The following FMN2 variants were observed in gnomAD, a reference collection of about 807,000 sequenced individuals.
The protein encoded by FMN2 is formin 2.
FMN2 carries 51 observed loss-of-function variants against 142.3 expected under a neutral mutation model. The observed-to-expected ratio is 0.36, with a 90% confidence interval of 0.29 to 0.45. The LOEUF (loss-of-function observed/expected upper bound fraction) is 0.45, where lower values mean the gene tolerates loss of function less well. FMN2 is among the 20% of genes least tolerant of loss of function. The probability of loss-of-function intolerance (pLI) is 1.00; values close to 1 mark genes in which losing one functional copy is unlikely to be tolerated. For synonymous variants in FMN2, 882 were observed against 869.8 expected, an observed-to-expected ratio of 1.01 and a Z score of -0.25; for missense variants, 1,936 against 2,122.8, an observed-to-expected ratio of 0.91 and a Z score of 1.73.
intron 14 of FMN2, among the ~76,000 whole-genome samples, chr1:240,370,191 CAG>C (rs1303964125): frequency 1.3e-5 from 2 of 152,082 alleles, no homozygotes; most frequent in African/African-American, 4.8e-5. Flanking sequence ...TTTATGGCCT[CAG>C]AGAATTTTCC....
intron 3 of FMN2, among the ~76,000 whole-genome samples, chr1:240,184,369 T>C (rs1036493156): frequency 1.2e-4 from 18 of 149,588 alleles, no homozygotes; most frequent in Non-Finnish European, 2.5e-4. Flanking sequence ...CCCGAGTAGC[T>C]GGGACTGCAG....
chr1:240,220,780 A>G (rs1308224092), intron 6 of FMN2, among the ~76,000 whole-genome samples: 2 of 151,980 alleles, frequency 1.3e-5, no homozygotes, highest in African/African-American at 2.4e-5. Context: ...GGTTTGTTAC[A>G]TAGGTATACA....
intron 13 of FMN2, among the ~76,000 whole-genome samples, chr1:240,346,900 A>G (rs1486886906): frequency 6.6e-6 from 1 of 152,204 alleles, no homozygotes; most frequent in African/African-American, 2.4e-5. Context: ...GACTTTATAT[A>G]TTTGCGCATG....
Position 240,399,521 on chromosome 1 carries a change from A to G in FMN2, c.4910+6959A>G, listed in dbSNP as rs541505831. On this transcript the variant is annotated intron_variant, in intron 15 of 17. Coordinates refer to ENST00000319653, the MANE Select transcript of FMN2 (RefSeq NM_020066.5). The stretch of plus-strand genomic sequence containing the variant: ...TATGGGAGCCGCTGCAGGAGCTCTA[A>G]TCCAGACACTTATGGTAATGAAGAT... 1.2e-4 allele frequency among the ~76,000 whole-genome samples: 18 copies of G among 152,262 alleles called. No individual in the cohort carries two copies. In the East Asian group the frequency reaches 3.5e-3, roughly 29 times the overall value.
intron 3 of FMN2, among the ~76,000 whole-genome samples, chr1:240,180,562 AC>A (rs202058196): frequency 1.0e-5 from 1 of 98,666 alleles, no homozygotes; most frequent in South Asian, 3.7e-4. Flanking sequence ...ATAACACATG[AC>A]CCCTTTTTTT....
chr1:240,204,653 A>C (rs2103379657), intron 4 of FMN2, among the ~76,000 whole-genome samples: 1 of 152,328 alleles, frequency 6.6e-6, no homozygotes, highest in Admixed American at 6.5e-5. Flanking sequence ...CAGGAGGCTG[A>C]GGCAGTAGAA....
intron 3 of FMN2, among the ~76,000 whole-genome samples, chr1:240,185,620 A>G (rs909978040): frequency 4.6e-5 from 7 of 152,238 alleles, no homozygotes; most frequent in Admixed American, 2.6e-4. Flanking sequence ...GTTCTTTACC[A>G]TCAGAGCCCA....
At chr1:240,282,035 G>C (rs979810977) in intron 7 of FMN2, among the ~76,000 whole-genome samples, 6 of 152,076 alleles carry the variant, frequency 3.9e-5, no homozygotes, top group African/African-American at 1.4e-4. Context: ...ATCTACAAAG[G>C]TATATGTGCT....
At chr1:240,419,407 C>T (rs1280835852) in intron 15 of FMN2, among the ~76,000 whole-genome samples, 1 of 151,340 alleles carries the variant, frequency 6.6e-6, no homozygotes, top group Non-Finnish European at 1.5e-5. Context: ...TTTCTGTGTC[C>T]TTATGGGCAA....
intron 15 of FMN2, among the ~76,000 whole-genome samples, chr1:240,429,811 T>C (rs759712339): frequency 5.9e-5 from 9 of 152,190 alleles, no homozygotes; most frequent in Non-Finnish European, 1.0e-4. Context: ...CCCCTGTTCA[T>C]GGACATTTGG....
intron 6 of FMN2, among the ~76,000 whole-genome samples, chr1:240,239,705 A>G (rs1441665006): frequency 6.6e-6 from 1 of 152,254 alleles, no homozygotes; most frequent in Admixed American, 6.5e-5. Context: ...TAAAAGGGCC[A>G]GAAAGAAACA....
At chr1:240,137,776 G>A (rs1663005990) in intron 2 of FMN2, among the ~76,000 whole-genome samples, 1 of 152,046 alleles carries the variant, frequency 6.6e-6, no homozygotes, top group Admixed American at 6.6e-5. Flanking sequence ...TACAGGAGGA[G>A]GAACAGAAGA....
chr1:240,364,040 C>T (rs1672581923), intron 14 of FMN2, among the ~76,000 whole-genome samples: 1 of 152,154 alleles, frequency 6.6e-6, no homozygotes, highest in African/African-American at 2.4e-5. Flanking sequence ...GCTATTTCTG[C>T]TGTGCTGAAG....
chr1:240,460,836 G>T (rs906617106), intron 16 of FMN2, among the ~76,000 whole-genome samples: 1 of 151,990 alleles, frequency 6.6e-6, no homozygotes, highest in African/African-American at 2.4e-5. Flanking sequence ...CCAAACAGAG[G>T]TTTTCAACAT....
intron 15 of FMN2, among the ~76,000 whole-genome samples, chr1:240,410,543 C>T (rs1012041132): frequency 6.6e-6 from 1 of 152,112 alleles, no homozygotes; most frequent in South Asian, 2.1e-4. Context: ...CTCAGATCAT[C>T]AACCAAATAA....
chr1:240,189,360 G>C (rs1257844469), intron 4 of FMN2, among the ~76,000 whole-genome samples: 1 of 152,150 alleles, frequency 6.6e-6, no homozygotes, highest in African/African-American at 2.4e-5. Flanking sequence ...GGTGGTCTAG[G>C]AGAAAATGAG....
intron 13 of FMN2, among the ~76,000 whole-genome samples, chr1:240,346,819 T>G (rs1671923761): frequency 6.6e-6 from 1 of 152,148 alleles, no homozygotes; most frequent in Non-Finnish European, 1.5e-5. Flanking sequence ...ATGAAGAAAT[T>G]ATATAACAGC....
chr1:240,376,460 A>T (rs985488097), intron 14 of FMN2, among the ~76,000 whole-genome samples: 16 of 151,410 alleles, frequency 1.1e-4, no homozygotes, highest in Admixed American at 9.2e-4. Flanking sequence ...GGCCCTTCAT[A>T]TCTGTGGGTT....
chr1:240,354,505 T>C (rs1410721862), intron 13 of FMN2, among the ~76,000 whole-genome samples: 1 of 152,114 alleles, frequency 6.6e-6, no homozygotes, highest in African/African-American at 2.4e-5. Context: ...ACATGGGCTA[T>C]AGATACAGGT....
Sources: gnomAD v4.1 joint callset for allele counts (sites outside exome capture counted in the v4.1 genomes callset) on GRCh38, gnomAD v4.1.1 for gene constraint, MANE v1.5 for transcripts, NCBI Gene and HGNC (gene_info 2026-07-23, HGNC 2026-07-21) for gene names.